CALB2: variants seen among roughly 807,000 people sequenced by gnomAD.
CALB2 encodes the protein calretinin.
A neutral mutation model predicts 45.9 loss-of-function variants in CALB2; 34 were observed. The observed-to-expected ratio is 0.74, with a 90% CI of 0.56 to 0.99. The LOEUF (loss-of-function observed/expected upper bound fraction) is 0.99. Among genes scored for constraint, CALB2 ranks in the 50% least tolerant of loss-of-function variants. The pLI is 0.00. For synonymous variants in CALB2, 142 were observed against 129.6 expected (o/e 1.10, Z -0.65); for missense variants, 344 against 339.3 (o/e 1.01, Z -0.11).
chr16:71,384,924 C>T, intron 9 of CALB2, 88 bp downstream of exon 9: 1 of 1,163,920 alleles, frequency 8.6e-7, no homozygotes, highest in Non-Finnish European at 1.3e-6. Context: ...GAAGAGACAG[C>T]TTTCCAGGGG....
chr16:71,372,674 G>C (rs1208572686), intron 2 of CALB2, among the ~76,000 whole-genome samples: 1 of 152,126 alleles, frequency 6.6e-6, no homozygotes, highest in Non-Finnish European at 1.5e-5. Flanking sequence ...ATTTGTTGCA[G>C]GGGCTGCCCT....
chr16:71,388,545 T>TA (rs2042598215), intron 10 of CALB2, among the ~76,000 whole-genome samples: 2 of 152,092 alleles, frequency 1.3e-5, no homozygotes, highest in Non-Finnish European at 2.9e-5. Context: ...TGTTGGTATT[T>TA]AATATGGGTC....
At chr16:71,383,336 A>C in intron 5 of CALB2, 31 bp from the exon 6 acceptor site, 1 of 1,598,418 alleles carries the variant, frequency 6.3e-7, no homozygotes, top group Non-Finnish European at 8.6e-7. Context: ...TGCACGAGTC[A>C]GGAGTACTAA....
chr16:71,377,551 A>G, intron 3 of CALB2, 116 bp from the exon 4 acceptor site: 2 of 678,900 alleles, frequency 2.9e-6, no homozygotes, highest in South Asian at 1.8e-5. Context: ...AAGGAAGAAA[A>G]CGCAATTCCC....
At chr16:71,359,938 A>G (rs2042221785) in intron 1 of CALB2, among the ~76,000 whole-genome samples, 1 of 152,176 alleles carries the variant, frequency 6.6e-6, no homozygotes, top group Non-Finnish European at 1.5e-5. Context: ...CCCCAAAGGG[A>G]GGCCAACGGG....
intron 4 of CALB2, among the ~76,000 whole-genome samples, chr16:71,380,007 A>G (rs915831663): frequency 2.6e-5 from 4 of 152,146 alleles, no homozygotes; most frequent in East Asian, 1.9e-4. Flanking sequence ...GCGTATCCTT[A>G]TAACTTGTCA....
intron 10 of CALB2, among the ~76,000 whole-genome samples, chr16:71,389,143 G>T (rs1009577268): frequency 6.6e-6 from 1 of 151,706 alleles, no homozygotes; most frequent in African/African-American, 2.4e-5. Flanking sequence ...AGCCGAGATC[G>T]TGTCACTTCA....
chr16:71,381,351 C>T (rs1204691020), intron 4 of CALB2, among the ~76,000 whole-genome samples: 1 of 151,490 alleles, frequency 6.6e-6, no homozygotes, highest in Non-Finnish European at 1.5e-5. Flanking sequence ...ATACCATCGA[C>T]CTAAGTTGCA....
In CALB2 at chr16:71,358,723, A is replaced by G; in HGVS notation, c.-70A>G. ...TAAGGGCAGCGTGGCGCACAACCCC[A>G]GCGCGAGTGCCAGAGCCCAGCCGGC... On this transcript the variant is annotated 5_prime_UTR_variant, in exon 1 of 11. Transcript: ENST00000302628. 8.0e-7 allele frequency: 1 copy of G among 1,249,582 alleles called. No homozygotes were observed. Among genetic ancestry groups the G allele is most frequent in the Non-Finnish European group, 1.1e-6 (1 of 881,904 alleles). 77.4% of individuals were successfully genotyped at this position (1,249,582 alleles called of 1,614,324 possible).
Position 71,388,006 on chromosome 16 carries a change from TC to T in CALB2, c.700-1742del, listed in dbSNP as rs149443768. On this transcript the variant is annotated intron_variant, in intron 10 of 10. Transcript: ENST00000302628. Reference sequence around the variant, plus strand: ...GTGACAGAATAGTGCACCAGTGAAATCATTAGACTTCAGGGCTCATGCTTGG... The same window carrying T: ...GTGACAGAATAGTGCACCAGTGAAATATTAGACTTCAGGGCTCATGCTTGG... Among the ~76,000 whole-genome samples, 1,156 of 151,984 alleles carry T rather than the reference TC, an allele frequency of 7.6e-3. 13 individuals carry two copies. The highest frequency in any genetic ancestry group is 0.026 in the African/African-American group (1,079 of 41,444).
Position 71,374,630 on chromosome 16 carries a change from A to G in CALB2, c.172-115A>G, listed in dbSNP as rs1245202044. On this transcript the variant is annotated intron_variant, in intron 2 of 10. Coordinates refer to ENST00000302628, the MANE Select transcript of CALB2 (RefSeq NM_001740.5). ...TCTGATCAATCAGAGCATCAGCACA[A>G]CTTGGTTCTGCACCCACTTACCCAG... The G allele has an allele frequency of 1.2e-5, 8 of 693,170 alleles. No homozygotes were observed. In the East Asian group the frequency reaches 1.6e-4, roughly 14 times the overall value. 42.9% of individuals were successfully genotyped at this position (693,170 alleles called of 1,614,324 possible).
intron 1 of CALB2, among the ~76,000 whole-genome samples, chr16:71,360,504 A>G (rs1243102298): frequency 2.6e-5 from 4 of 152,320 alleles, no homozygotes; most frequent in African/African-American, 9.6e-5. Flanking sequence ...TTAGTATTCC[A>G]GATGACATGC....
intron 1 of CALB2, among the ~76,000 whole-genome samples, chr16:71,360,014 G>C (rs556648928): frequency 3.9e-5 from 6 of 152,364 alleles, no homozygotes; most frequent in African/African-American, 7.2e-5. Context: ...CAGCCCCCCA[G>C]GGGGCCAGGC....
intron 4 of CALB2, among the ~76,000 whole-genome samples, chr16:71,378,177 T>C (rs2042440195): frequency 6.6e-6 from 1 of 152,018 alleles, no homozygotes; most frequent in African/African-American, 2.4e-5. Context: ...TGAGCCGACA[T>C]AGCACCACTG....
chr16:71,383,333 G>T, intron 5 of CALB2, 34 bp from the exon 6 acceptor site: 1 of 1,596,174 alleles, frequency 6.3e-7, no homozygotes, highest in Non-Finnish European at 8.6e-7. Context: ...GAATGCACGA[G>T]TCAGGAGTAC....
chr16:71,384,815 G>A lies in CALB2; in HGVS notation c.606G>A (p.Ala202=), dbSNP rs756965535. 11 of 1,611,244 alleles carry A rather than the reference G, an allele frequency of 6.8e-6. No individual in the cohort carries two copies. The highest frequency in any genetic ancestry group is 2.2e-5 in the East Asian group (1 of 44,700). ...GMKLTSEEFN[A]IFTFYDKDRS... The stretch of plus-strand genomic sequence containing the variant: ...AGCTGACCTCAGAGGAGTTTAACGC[G>A]ATCTTCACATTTTACGACAAGGTAA... The change falls in exon 9 of 11, where the codon GCG becomes GCA. Residue 202 remains alanine, a synonymous_variant. Coordinates refer to ENST00000302628, the MANE Select transcript of CALB2 (RefSeq NM_001740.5).
chr16:71,374,226 ACCT>A (rs1203435783), intron 2 of CALB2, among the ~76,000 whole-genome samples: 9 of 152,290 alleles, frequency 5.9e-5, no homozygotes, highest in South Asian at 2.1e-4. Flanking sequence ...CTACATGATG[ACCT>A]CCTCCTCATG....
At position 71,390,022 on chromosome 16, in the gene CALB2, A is replaced by C. The variant is rs1598181019; in HGVS notation, c.*157A>C. The stretch of plus-strand genomic sequence containing the variant: ...AGGAAATGAGAGATAGAGGATGGGC[A>C]GCTGGGGGGCTGTCCTGAGCCCCCT... On this transcript the variant is annotated 3_prime_UTR_variant, in exon 11 of 11. Transcript: ENST00000302628. 1 of 608,944 alleles carries C rather than the reference A, an allele frequency of 1.6e-6. No homozygotes were observed. The allele number at this position is 608,944 out of a possible 1,614,324, so 37.7% of individuals were successfully genotyped here.
At chr16:71,379,291 A>G (rs879933174) in intron 4 of CALB2, among the ~76,000 whole-genome samples, 2 of 151,392 alleles carry the variant, frequency 1.3e-5, no homozygotes, top group Non-Finnish European at 2.9e-5. Context: ...ATAAATAAAT[A>G]AATAAATAAA....
Sources: gnomAD v4.1 joint callset for allele counts (sites outside exome capture counted in the v4.1 genomes callset) on GRCh38, gnomAD v4.1.1 for gene constraint, MANE v1.5 for transcripts, NCBI Gene and HGNC (gene_info 2026-07-23, HGNC 2026-07-21) for gene names.